The following CROCC variants were observed in gnomAD, a reference collection of about 807,000 sequenced individuals.
CROCC encodes rootletin.
A neutral mutation model predicts 245.2 loss-of-function variants in CROCC; 180 were observed. The ratio of observed to expected loss-of-function variants is 0.73; its 90% CI spans 0.65 to 0.83. The LOEUF is 0.83. CROCC is among the 40% of genes least tolerant of loss of function. The pLI, the probability that CROCC is intolerant of heterozygous loss-of-function variation, is 0.00. For synonymous variants in CROCC, 1,205 were observed against 1,241.6 expected (o/e 0.97, Z 0.62); for missense variants, 2,688 against 2,779.4 (o/e 0.97, Z 0.74).
In CROCC at chr1:16,944,131, G is replaced by A. The variant is rs567722102; in HGVS notation, c.1840G>A (p.Val614Met). 5.1e-6 allele frequency: 8 copies of A among 1,559,722 alleles called. No homozygotes were observed. Among genetic ancestry groups the A allele is most frequent in the Non-Finnish European group, 6.9e-6 (8 of 1,151,530 alleles). ...GAGCAACCTGGCCCACAGCCTGCAGGTGGCCCAGCAGCAGGCCGAGGAGCT... is the reference window on the plus strand; with the variant it reads ...GAGCAACCTGGCCCACAGCCTGCAGATGGCCCAGCAGCAGGCCGAGGAGCT... ...EKSNLAHSLQVAQQQAEELRQ... is the reference protein window; with the variant it reads ...EKSNLAHSLQMAQQQAEELRQ... The change falls in exon 14 of 37, where the codon GTG (valine) becomes ATG (methionine). Residue 614 changes from valine to methionine, a missense_variant. Val to Met is a conservative substitution (Grantham distance 21). This residue lies in a region of CROCC where 972 missense variants were observed against 895.3 expected (regional missense o/e 1.09). Coordinates refer to ENST00000375541, the MANE Select transcript of CROCC (RefSeq NM_014675.5).
At chr1:16,932,422 A>G (rs1422586862) in intron 8 of CROCC, among the ~76,000 whole-genome samples, 2 of 152,268 alleles carry the variant, frequency 1.3e-5, no homozygotes, top group Non-Finnish European at 2.9e-5. Flanking sequence ...CCTGGGCAAC[A>G]AGAGCAGAAC....
chr1:16,961,251 C>G, intron 27 of CROCC, 121 bp downstream of exon 27: 4 of 1,019,298 alleles, frequency 3.9e-6, no homozygotes, highest in Non-Finnish European at 5.0e-6. Context: ...CCCACCACAC[C>G]TCTCCACTGA....
rs1403459979 is a variant in CROCC, at chr1:16,958,689, C to A, written c.3971C>A (p.Thr1324Asn). The A allele has an allele frequency of 2.6e-6, 4 of 1,558,338 alleles. No individual in the cohort carries two copies. Among genetic ancestry groups the A allele is most frequent in the Non-Finnish European group, 2.6e-6 (3 of 1,151,852 alleles). The change falls in exon 26 of 37, where the codon ACC becomes AAC. Residue 1324 changes from threonine (T) to asparagine (N), a missense_variant. Physicochemically the swap from Thr to Asn is moderately conservative, Grantham distance 65 (BLOSUM62 0). Coordinates refer to ENST00000375541, the MANE Select transcript of CROCC (RefSeq NM_014675.5). ...ERAEKESRRE[T>N]LGLRQRLLKG... ...GCAGAGAAGGAGAGCAGGCGGGAGA[C>A]CCTGGGCCTCCGGCAGAGGCTGCTG... is the stretch of plus-strand genomic sequence containing the variant.
Position 16,930,387 on chromosome 1 carries a change from C to G in CROCC, c.683+40C>G, listed in dbSNP as rs1372259268. 1.6e-5 allele frequency: 26 copies of G among 1,611,038 alleles called. No individual in the cohort carries two copies. In the Admixed American group the frequency reaches 4.0e-4, roughly 25 times the overall value. On this transcript the variant is annotated intron_variant, in intron 6 of 36. Transcript: ENST00000375541. The stretch of plus-strand genomic sequence containing the variant: ...GGGAGGGCCAGGGCTGGCAGGATGG[C>G]CCCCTGCGCGAGCGCCTACTGATCC...
At position 16,946,409 on chromosome 1, in the gene CROCC, C is replaced by T. The variant is rs370945080; in HGVS notation, c.2283+4C>T. 3.9e-5 allele frequency: 63 copies of T among 1,609,626 alleles called. No individual in the cohort carries two copies. Among genetic ancestry groups the T allele is most frequent in the Middle Eastern group, 2.1e-4 (1 of 4,868 alleles). Reference sequence around the variant, plus strand: ...TCTGAACCGCCTTGTCGCCCAGGTACGCTGTGCACCTGCGGGCCCACCTGC... The same window carrying T: ...TCTGAACCGCCTTGTCGCCCAGGTATGCTGTGCACCTGCGGGCCCACCTGC... On this transcript the variant is annotated splice_donor_region_variant and intron_variant, in intron 16 of 36. Coordinates refer to ENST00000375541, the MANE Select transcript of CROCC (RefSeq NM_014675.5).
rs2076490358 is a variant in CROCC, at chr1:16,970,150, ACCGTCGCCTGCTCTGTGAGT to A, written c.5452-102_5452-83del. The A allele has an allele frequency of 2.3e-6, 3 of 1,280,196 alleles. No homozygotes were observed. In the African/African-American group the frequency reaches 4.5e-5, roughly 19 times the overall value. 79.3% of individuals were successfully genotyped at this position (1,280,196 alleles called of 1,614,324 possible). A position where few individuals can be genotyped will look rare whatever the true frequency, so the allele number is the denominator to read the frequency against. ...GTGACAATTCTCTGATGTGGGCCTCACCGTCGCCTGCTCTGTGAGTGGGCCAGCCTCATTGTCCCCAAGCT... is the reference window on the plus strand; with the variant it reads ...GTGACAATTCTCTGATGTGGGCCTCAGGGCCAGCCTCATTGTCCCCAAGCT... On this transcript the variant is annotated intron_variant, in intron 33 of 36. Transcript: ENST00000375541.
chr1:16,966,397 G>A lies in CROCC; in HGVS notation c.4697-11G>A. The A allele has an allele frequency of 6.6e-7, 1 of 1,513,226 alleles. No individual in the cohort carries two copies. Among genetic ancestry groups the A allele is most frequent in the Non-Finnish European group, 8.8e-7 (1 of 1,132,674 alleles). The allele number at this position is 1,513,226 out of a possible 1,614,324, so 93.7% of individuals were successfully genotyped here. ...CTTGGCCATGCCTGACGGGGTGGGT[G>A]GTGGCTACAGCCCGGCGCAGTGTGG... On this transcript the variant is annotated splice_polypyrimidine_tract_variant and intron_variant, in intron 29 of 36. Transcript: ENST00000375541. This position sits in a 1 kb window ranked among gnomAD's most constrained non-coding sequence, Gnocchi z 4.8.
Position 16,954,499 on chromosome 1 carries a change from G to GC in CROCC, c.3321+147dup, listed in dbSNP as rs2076216311. The stretch of plus-strand genomic sequence containing the variant: ...AGGAGGTTTAGCCCTTCTTTTGGGA[G>GC]CCCCCATCTGAGGGAGGTGGCTCAG... On this transcript the variant is annotated intron_variant, in intron 22 of 36. Coordinates refer to ENST00000375541, the MANE Select transcript of CROCC (RefSeq NM_014675.5). This position sits in a 1 kb window ranked among gnomAD's most constrained non-coding sequence, Gnocchi z 4.4. The GC allele has an allele frequency of 7.8e-7, 1 of 1,289,418 alleles. No individual in the cohort carries two copies. Among genetic ancestry groups the GC allele is most frequent in the African/African-American group, 1.5e-5 (1 of 66,554 alleles). The allele number at this position is 1,289,418 out of a possible 1,614,324, so 79.9% of individuals were successfully genotyped here.
Position 16,946,964 on chromosome 1 carries a change from CAGCCAGCTGCAGGAGCAGCT to C in CROCC, c.2491_2510del (p.Gln831AlafsTer33). 1 of 1,554,902 alleles carries C rather than the reference CAGCCAGCTGCAGGAGCAGCT, an allele frequency of 6.4e-7. No homozygotes were observed. Among genetic ancestry groups the C allele is most frequent in the Non-Finnish European group, 8.7e-7 (1 of 1,150,124 alleles). On this transcript the variant is annotated frameshift_variant, in exon 17 of 37. Transcript: ENST00000375541. LOFTEE classifies it high-confidence loss of function. ...AGCTCCCCACGCTGCGCCATGAGCGCAGCCAGCTGCAGGAGCAGCTAGCGCAGGTGGGCAAAGCTGTGTGT... is the reference window on the plus strand; with the variant it reads ...AGCTCCCCACGCTGCGCCATGAGCGCAGCGCAGGTGGGCAAAGCTGTGTGT...
chr1:16,921,251 G>A (rs1323303729), upstream of CROCC, among the ~76,000 whole-genome samples: 1 of 152,106 alleles, frequency 6.6e-6, no homozygotes, highest in Non-Finnish European at 1.5e-5. Context: ...TGTCCCTGGT[G>A]CACCCAGCTA....
rs779997919 is a variant in CROCC, at chr1:16,922,660, C to T, written c.61-3C>T. ...CCTGAAGACCCTCTCGCTTTTCCCA[C>T]AGACACTGGAGAGCAGCGTCCTGTG... On this transcript the variant is annotated splice_region_variant and splice_polypyrimidine_tract_variant and intron_variant, in intron 1 of 36. Coordinates refer to ENST00000375541, the MANE Select transcript of CROCC (RefSeq NM_014675.5). The T allele has an allele frequency of 3.7e-6, 6 of 1,600,776 alleles. No homozygotes were observed. In the East Asian group the frequency reaches 1.3e-4, roughly 36 times the overall value.
chr1:16,958,226 A>G (rs746052064), intron 25 of CROCC, among the ~76,000 whole-genome samples: 1 of 152,210 alleles, frequency 6.6e-6, no homozygotes, highest in African/African-American at 2.4e-5. Flanking sequence ...GACTGGACAC[A>G]TGGTAAGCGC....
At chr1:16,964,960 C>T (rs142188022) in intron 27 of CROCC, among the ~76,000 whole-genome samples, 2 of 152,286 alleles carry the variant, frequency 1.3e-5, no homozygotes, top group African/African-American at 4.8e-5. Context: ...GGATTACAGG[C>T]ATGAGACACC....
At chr1:16,967,441 G>T (rs1215536399) in intron 30 of CROCC, among the ~76,000 whole-genome samples, 1 of 152,164 alleles carries the variant, frequency 6.6e-6, no homozygotes, top group Non-Finnish European at 1.5e-5. Flanking sequence ...CTGGATTGTT[G>T]TGTCTGCGGC....
At chr1:16,931,249 C>G (rs200330104) in intron 7 of CROCC, 42 bp from the exon 8 acceptor site, 1 of 1,553,954 alleles carries the variant, frequency 6.4e-7, no homozygotes, top group East Asian at 2.3e-5. Flanking sequence ...GGAGTAAACC[C>G]GCTCTCACAC....
upstream of CROCC, among the ~76,000 whole-genome samples, chr1:16,919,173 G>GT (rs2075352740): frequency 6.6e-6 from 1 of 152,300 alleles, no homozygotes; most frequent in Admixed American, 6.5e-5. Flanking sequence ...AGCCTGGACT[G>GT]ATGAGCATTT....
At chr1:16,936,121 C>A (rs1437698669) in intron 8 of CROCC, among the ~76,000 whole-genome samples, 1 of 149,826 alleles carries the variant, frequency 6.7e-6, no homozygotes. Context: ...TTTTTTTTTT[C>A]TTCCTCTTTA....
In CROCC at chr1:16,931,330, C is replaced by T. The variant is rs150770943; in HGVS notation, c.889C>T (p.Leu297Phe). Reference protein sequence around the residue: ...AYFSNEHSRLLLLWRQVVGFR... With the variant: ...AYFSNEHSRLFLLWRQVVGFR... ...CTTCAGCAACGAGCACAGTCGCCTG[C>T]TCCTCCTCTGGAGGCAGGTGGTGGG... Residue 297 changes from leucine (L) to phenylalanine (F), a missense_variant, in exon 8 of 37, where the codon CTC (leucine) becomes TTC (phenylalanine). Leu to Phe is a conservative substitution (Grantham distance 22, BLOSUM62 0). This residue lies in a region of CROCC where 972 missense variants were observed against 895.3 expected (regional missense o/e 1.09). Transcript: ENST00000375541. 293 of 1,612,490 alleles carry T rather than the reference C, an allele frequency of 1.8e-4. No individual in the cohort carries two copies. The African/African-American group carries it at 3.4e-3, about 19-fold the overall frequency.
At chr1:16,971,812 A>G (rs1453952861) in intron 36 of CROCC, among the ~76,000 whole-genome samples, 165 bp downstream of exon 36, 2 of 152,206 alleles carry the variant, frequency 1.3e-5, no homozygotes, top group Non-Finnish European at 2.9e-5. Flanking sequence ...GACCGGGGCC[A>G]CGGGATGCTC....
Sources: allele counts gnomAD v4.1 joint callset (sites outside exome capture counted in the v4.1 genomes callset), GRCh38; gene constraint gnomAD v4.1.1; regional missense constraint gnomAD v4.1.1; non-coding constraint Gnocchi (gnomAD v3.1); transcripts MANE v1.5; gene names NCBI Gene and HGNC (gene_info 2026-07-23, HGNC 2026-07-21).